Variants in SCCPDH observed in about 807,000 individuals in gnomAD.
The protein encoded by SCCPDH is saccharopine dehydrogenase (putative).
A neutral mutation model predicts 51.5 loss-of-function variants in SCCPDH; 34 were observed. That is an observed-to-expected ratio of 0.66 (90% CI 0.50 to 0.88). SCCPDH has a LOEUF of 0.88. SCCPDH is among the 40% of genes least tolerant of loss of function. SCCPDH has a pLI of 0.00. For synonymous variants in SCCPDH, 187 were observed against 191.3 expected, an observed-to-expected ratio of 0.98 and a Z score of 0.19; for missense variants, 464 against 527.1, an observed-to-expected ratio of 0.88 and a Z score of 1.17.
chr1:246,731,636 T>C (rs1572293169), intron 2 of SCCPDH, among the ~76,000 whole-genome samples: 1 of 152,260 alleles, frequency 6.6e-6, no homozygotes, highest in African/African-American at 2.4e-5. Context: ...ATTAAGGGGC[T>C]GTGGTATGAT....
chr1:246,724,707 A>G (rs1668360878), intron 1 of SCCPDH, 95 bp downstream of exon 1: 1 of 1,130,442 alleles, frequency 8.8e-7, no homozygotes, highest in Non-Finnish European at 1.2e-6. Flanking sequence ...GATGCGCCCT[A>G]CGTGTCCCCG....
chr1:246,727,119 A>G (rs1668412174), intron 2 of SCCPDH, 115 bp downstream of exon 2: 1 of 793,050 alleles, frequency 1.3e-6, no homozygotes, highest in Admixed American at 2.6e-5. Context: ...CCTTAACCCC[A>G]TATGGGGAGT....
intron 5 of SCCPDH, chr1:246,755,431 T>C (rs1011262412): frequency 1.3e-5 from 2 of 152,232 alleles, no homozygotes; most frequent in African/African-American, 2.4e-5. Context: ...CCTTGACATA[T>C]GGTAAAGGGG....
At chr1:246,736,921 G>T (rs1668600800) in intron 3 of SCCPDH, among the ~76,000 whole-genome samples, 1 of 152,118 alleles carries the variant, frequency 6.6e-6, no homozygotes, top group Non-Finnish European at 1.5e-5. Context: ...GGAAATTAAA[G>T]CTTAGGAAGC....
rs561562074 is a variant in SCCPDH, at chr1:246,767,584, G to C, written c.*284G>C. ...CACGAATGAGCTGGCAGGTCTAATG[G>C]GGGAGGCGGCGTCCCAGTCTGTGTT... On this transcript the variant is annotated 3_prime_UTR_variant, in exon 12 of 12. Transcript: ENST00000366510. 3.2e-5 allele frequency: 6 copies of C among 190,422 alleles called. No individual in the cohort carries two copies. Among genetic ancestry groups the C allele is most frequent in the South Asian group, 1.5e-4 (1 of 6,796 alleles). 11.8% of individuals were successfully genotyped at this position (190,422 alleles called of 1,614,324 possible).
rs1274708185 is a variant in SCCPDH at position 246,740,153 on chromosome 1, C to A, written c.385-19C>A. The A allele has an allele frequency of 1.3e-6, 2 of 1,548,588 alleles. No homozygotes were observed. The highest frequency in any genetic ancestry group is 1.8e-6 in the Non-Finnish European group (2 of 1,137,726). ...TCTTTCTGCATAACTAATTAAAATTCTTATCCTGGATTTTTTAGTTTCTGG... is the reference window on the plus strand; with the variant it reads ...TCTTTCTGCATAACTAATTAAAATTATTATCCTGGATTTTTTAGTTTCTGG... On this transcript the variant is annotated intron_variant, in intron 3 of 11. Transcript: ENST00000366510.
intron 2 of SCCPDH, among the ~76,000 whole-genome samples, chr1:246,730,736 A>G (rs997397400): frequency 1.3e-5 from 2 of 152,174 alleles, no homozygotes; most frequent in African/African-American, 4.8e-5. Flanking sequence ...TTAGGGGAAG[A>G]CTACTTGGGA....
chr1:246,742,454 A>G (rs763013454), intron 4 of SCCPDH, among the ~76,000 whole-genome samples: 64 of 152,306 alleles, frequency 4.2e-4, no homozygotes, highest in Non-Finnish European at 7.2e-4. Flanking sequence ...CAGGTGGTCC[A>G]CTTTTATTGG....
intron 5 of SCCPDH, among the ~76,000 whole-genome samples, chr1:246,745,971 G>A (rs1334005586): frequency 6.6e-6 from 1 of 152,022 alleles, no homozygotes; most frequent in Admixed American, 6.6e-5. Flanking sequence ...AGCTGGGCGT[G>A]GTGGCAGGCA....
intron 9 of SCCPDH, among the ~76,000 whole-genome samples, chr1:246,761,780 A>G (rs1194887227): frequency 6.6e-6 from 1 of 152,156 alleles, no homozygotes; most frequent in Non-Finnish European, 1.5e-5. Context: ...CATTTTGTGT[A>G]TCCATTCATT....
intron 10 of SCCPDH, among the ~76,000 whole-genome samples, chr1:246,765,358 G>A (rs920388281): frequency 6.6e-6 from 1 of 152,198 alleles, no homozygotes; most frequent in Non-Finnish European, 1.5e-5. Context: ...TAAAGGGTTG[G>A]GATTACAGGC....
chr1:246,733,962 T>G (rs1028227472), intron 2 of SCCPDH, among the ~76,000 whole-genome samples: 1 of 152,134 alleles, frequency 6.6e-6, no homozygotes, highest in Non-Finnish European at 1.5e-5. Context: ...ACAGCACAGA[T>G]TTTATTGAAG....
At chr1:246,733,275 C>G (rs1409314861) in intron 2 of SCCPDH, among the ~76,000 whole-genome samples, 4 of 151,640 alleles carry the variant, frequency 2.6e-5, no homozygotes, top group Non-Finnish European at 4.4e-5. Flanking sequence ...TTTGTAGAGA[C>G]AGGGTTTTGC....
intron 4 of SCCPDH, among the ~76,000 whole-genome samples, chr1:246,741,332 A>C (rs1183768760): frequency 6.6e-6 from 1 of 152,204 alleles, no homozygotes; most frequent in Non-Finnish European, 1.5e-5. Flanking sequence ...GTGCCATTTT[A>C]AAAAGTTTTT....
rs1668406906 is a variant in SCCPDH, at chr1:246,726,852, C to T, written c.191-40C>T. 5 of 1,366,686 alleles carry T rather than the reference C, an allele frequency of 3.7e-6. No homozygotes were observed. In the East Asian group the frequency reaches 6.9e-5, roughly 19 times the overall value. 84.7% of individuals were successfully genotyped at this position (1,366,686 alleles called of 1,614,324 possible). ...AAGAAGATAAGGAAGATATAATCCT[C>T]TACTGGGATTTACTTTCCTTCATTT... On this transcript the variant is annotated intron_variant, in intron 1 of 11. Transcript: ENST00000366510.
Position 246,759,881 on chromosome 1 carries a change from G to GT in SCCPDH, c.814-75dup, listed in dbSNP as rs1195488876. 6 of 1,463,618 alleles carry GT rather than the reference G, an allele frequency of 4.1e-6. No homozygotes were observed. In the Admixed American group the frequency reaches 1.3e-4, roughly 31 times the overall value. 90.7% of individuals were successfully genotyped at this position (1,463,618 alleles called of 1,614,324 possible). The stretch of plus-strand genomic sequence containing the variant: ...TCCACATTTGTGATGGAAGAGAAAG[G>GT]TACAAGTAACTAACATTCTTACTTG... On this transcript the variant is annotated intron_variant, in intron 7 of 11. Transcript: ENST00000366510.
chr1:246,731,724 GTTATTT>G (rs1461528717), intron 2 of SCCPDH, among the ~76,000 whole-genome samples: 1 of 143,970 alleles, frequency 6.9e-6, no homozygotes, highest in Non-Finnish European at 1.5e-5. Flanking sequence ...TTTTGTTTTT[GTTATTT>G]TTATTTAAGT....
chr1:246,759,039 C>T lies in SCCPDH; in HGVS notation c.701C>T (p.Pro234Leu), dbSNP rs1668973993. Reference protein sequence around the residue: ...LIGPKLKRRWPISYCRELKGY... With the variant: ...LIGPKLKRRWLISYCRELKGY... ...TTCATAGGTCTGTCTTGCAGGTGGC[C>T]AATTTCTTATTGTCGGGAACTCAAA... is the stretch of plus-strand genomic sequence containing the variant. Residue 234 changes from proline to leucine, a missense_variant, in exon 7 of 12, where the codon CCA becomes CTA. Transcript: ENST00000366510. 1 of 1,586,602 alleles carries T rather than the reference C, an allele frequency of 6.3e-7. No homozygotes were observed. The highest frequency in any genetic ancestry group is 1.1e-5 in the South Asian group (1 of 90,550).
At chr1:246,767,004 G>T (rs1284458354) in intron 11 of SCCPDH, among the ~76,000 whole-genome samples, 191 bp from the exon 12 acceptor site, 1 of 152,198 alleles carries the variant, frequency 6.6e-6, no homozygotes, top group African/African-American at 2.4e-5. Flanking sequence ...AGGGTTGGCT[G>T]TGGTGCAAGT....
Sources: gnomAD v4.1 joint callset for allele counts (sites outside exome capture counted in the v4.1 genomes callset) on GRCh38, gnomAD v4.1.1 for gene constraint, MANE v1.5 for transcripts, NCBI Gene and HGNC (gene_info 2026-07-23, HGNC 2026-07-21) for gene names.